GALNTL5: variants seen among roughly 807,000 people sequenced by gnomAD.
GALNTL5 encodes the protein inactive polypeptide N-acetylgalactosaminyltransferase-like protein 5.
A neutral mutation model predicts 51.0 loss-of-function variants in GALNTL5; 44 were observed. That is an observed-to-expected ratio of 0.86 (90% CI 0.68 to 1.11). The LOEUF (loss-of-function observed/expected upper bound fraction) is 1.11, where lower values mean the gene tolerates loss of function less well. GALNTL5 is among the 50% of genes least tolerant of loss of function. The pLI is 0.00. For missense variants in GALNTL5, 528 were observed against 531.8 expected, an observed-to-expected ratio of 0.99 and a Z score of 0.07; for synonymous variants, 192 against 182.8, an observed-to-expected ratio of 1.05 and a Z score of -0.41.
chr7:151,957,102 T>C (rs577758260), intron 1 of GALNTL5, among the ~76,000 whole-genome samples: 13 of 146,000 alleles, frequency 8.9e-5, no homozygotes, highest in African/African-American at 3.3e-4. Context: ...GTCCAGGAGT[T>C]CAAGATCAGC....
intron 4 of GALNTL5, among the ~76,000 whole-genome samples, chr7:151,983,896 A>G (rs2081328407): frequency 6.6e-6 from 1 of 151,876 alleles, no homozygotes; most frequent in Non-Finnish European, 1.5e-5. Context: ...TGCAGGGGGG[A>G]GGTGGGCAAA....
At chr7:151,958,766 G>C (rs999627294) in intron 1 of GALNTL5, among the ~76,000 whole-genome samples, 3 of 152,164 alleles carry the variant, frequency 2.0e-5, no homozygotes, top group African/African-American at 4.8e-5. Flanking sequence ...CCAGGTCCTT[G>C]TCCTGCGTCC....
intron 4 of GALNTL5, 79 bp downstream of exon 4, chr7:151,983,231 G>A (rs2081317185): frequency 8.1e-7 from 1 of 1,239,878 alleles, no homozygotes; most frequent in Admixed American, 1.7e-5. Flanking sequence ...AGGCTGGAGT[G>A]CAGTGGTACC....
intron 1 of GALNTL5, among the ~76,000 whole-genome samples, chr7:151,957,373 A>C (rs2080938392): frequency 9.4e-6 from 1 of 106,420 alleles, no homozygotes. Context: ...GCAAGACCTC[A>C]TCTCTATTTA....
chr7:151,998,781 A>C (rs199840890), intron 5 of GALNTL5, among the ~76,000 whole-genome samples: 30,975 of 144,000 alleles, frequency 0.22, 4,049 homozygotes, highest in Middle Eastern at 0.33. Context: ...AAAAAAAAAA[A>C]AACAAAAAAC....
Position 152,019,850 on chromosome 7 carries a change from C to T in GALNTL5, c.*49C>T, listed in dbSNP as rs751880505. On this transcript the variant is annotated 3_prime_UTR_variant, in exon 9 of 9. Transcript: ENST00000392800. ...AATAAAGGGTTAAAAGTCTCCTAGT[C>T]ATTCAACATAGTGTCACAAGAGTGT... 6.7e-7 allele frequency: 1 copy of T among 1,482,424 alleles called. No individual in the cohort carries two copies. The highest frequency in any genetic ancestry group is 9.3e-7 in the Non-Finnish European group (1 of 1,078,662). 91.8% of individuals were successfully genotyped at this position (1,482,424 alleles called of 1,614,324 possible).
intron 5 of GALNTL5, among the ~76,000 whole-genome samples, chr7:151,991,591 T>C (rs1413142885): frequency 6.6e-6 from 1 of 152,246 alleles, no homozygotes; most frequent in Non-Finnish European, 1.5e-5. Flanking sequence ...GCTATTTTTA[T>C]CATTTTATCA....
At chr7:151,959,034 G>A (rs1444100881) in intron 1 of GALNTL5, among the ~76,000 whole-genome samples, 1 of 152,162 alleles carries the variant, frequency 6.6e-6, no homozygotes, top group Non-Finnish European at 1.5e-5. Context: ...TGGCTACAAG[G>A]CATTGAGGAA....
At chr7:151,971,264 G>A (rs1369052169) in intron 3 of GALNTL5, among the ~76,000 whole-genome samples, 199 bp downstream of exon 3, 2 of 152,150 alleles carry the variant, frequency 1.3e-5, no homozygotes, top group Non-Finnish European at 2.9e-5. Flanking sequence ...TTATAGTGTA[G>A]AGAATGTCTT....
At chr7:151,961,556 G>C (rs1021587084) in intron 1 of GALNTL5, among the ~76,000 whole-genome samples, 2 of 152,288 alleles carry the variant, frequency 1.3e-5, no homozygotes, top group East Asian at 3.9e-4. Flanking sequence ...GTTAGAGAGA[G>C]GACAAAAATG....
At chr7:151,979,858 A>C (rs2081257425) in intron 3 of GALNTL5, among the ~76,000 whole-genome samples, 1 of 152,118 alleles carries the variant, frequency 6.6e-6, no homozygotes, top group Non-Finnish European at 1.5e-5. Flanking sequence ...TCCTCATGTG[A>C]GTTTCAGGCT....
At chr7:151,973,593 T>A (rs1286336614) in intron 3 of GALNTL5, among the ~76,000 whole-genome samples, 1 of 152,274 alleles carries the variant, frequency 6.6e-6, no homozygotes, top group Non-Finnish European at 1.5e-5. Context: ...ACCCAATGCC[T>A]GTACCGCTAT....
At chr7:152,018,216 A>T (rs1167676232) in intron 8 of GALNTL5, among the ~76,000 whole-genome samples, 1 of 152,236 alleles carries the variant, frequency 6.6e-6, no homozygotes, top group Non-Finnish European at 1.5e-5. Flanking sequence ...AATTCAAGAC[A>T]TGAACTTGCT....
rs10228563 is a variant in GALNTL5, at chr7:151,990,664, G to T, written c.658+3383G>T. Among the ~76,000 whole-genome samples the T allele has an allele frequency of 2.4e-3, 362 of 150,472 alleles. 1 individual carries two copies. The highest frequency in any genetic ancestry group is 8.4e-3 in the African/African-American group (343 of 40,914). ...CTCTCTTCAATAGGAATAGCCTTGTGACTAAGTTTTAGCCATGGGATGTGA... is the reference window on the plus strand; with the variant it reads ...CTCTCTTCAATAGGAATAGCCTTGTTACTAAGTTTTAGCCATGGGATGTGA... On this transcript the variant is annotated intron_variant, in intron 5 of 8. Coordinates refer to ENST00000392800, the MANE Select transcript of GALNTL5 (RefSeq NM_145292.4).
At position 151,987,289 on chromosome 7, in the gene GALNTL5, C is replaced by A; in HGVS notation, c.658+8C>A. ...GAGCTTCTCATGCTTCAGGTAGGAA[C>A]ATTCCTGGGGACAAGAGCCAGTGAC... On this transcript the variant is annotated splice_region_variant and intron_variant, in intron 5 of 8. Coordinates refer to ENST00000392800, the MANE Select transcript of GALNTL5 (RefSeq NM_145292.4). The A allele has an allele frequency of 1.3e-6, 2 of 1,564,082 alleles. No individual in the cohort carries two copies. Among genetic ancestry groups the A allele is most frequent in the Admixed American group, 2.1e-5 (1 of 47,234 alleles).
At chr7:151,983,975 G>A (rs2081329184) in intron 4 of GALNTL5, 1 of 152,296 alleles carries the variant, frequency 6.6e-6, no homozygotes, top group Non-Finnish European at 1.5e-5. Context: ...AGCACTTTGG[G>A]AGGCCAAGGT....
intron 6 of GALNTL5, among the ~76,000 whole-genome samples, chr7:152,005,813 G>T (rs1418500892): frequency 6.6e-6 from 1 of 152,096 alleles, no homozygotes; most frequent in African/African-American, 2.4e-5. Context: ...AATTACTTAG[G>T]ACTCAATCTA....
intron 2 of GALNTL5, among the ~76,000 whole-genome samples, chr7:151,969,967 T>C (rs571695380): frequency 3.6e-5 from 4 of 111,370 alleles, no homozygotes; most frequent in South Asian, 3.0e-4. Context: ...CCGCCACGCC[T>C]GGCTATTTTT....
At chr7:151,987,766 G>A (rs144120277) in intron 5 of GALNTL5, among the ~76,000 whole-genome samples, 24 of 152,348 alleles carry the variant, frequency 1.6e-4, no homozygotes, top group Non-Finnish European at 2.5e-4. Flanking sequence ...CCCGACACAC[G>A]TGGAGGAGGA....
Sources: gnomAD v4.1 joint callset for allele counts (sites outside exome capture counted in the v4.1 genomes callset) on GRCh38, gnomAD v4.1.1 for gene constraint, MANE v1.5 for transcripts, NCBI Gene and HGNC (gene_info 2026-07-23, HGNC 2026-07-21) for gene names.